The following SLC26A5 variants were observed in gnomAD, a reference collection of about 807,000 sequenced individuals.
SLC26A5 encodes prestin.
In SLC26A5, 51 loss-of-function variants were observed where a neutral mutation model predicts 81.0. The observed-to-expected ratio is 0.63, with a 90% CI of 0.50 to 0.80. SLC26A5 has a LOEUF of 0.80. Among genes scored for constraint, SLC26A5 ranks in the 30% least tolerant of loss-of-function variants. SLC26A5 has a pLI of 0.00. For synonymous variants in SLC26A5, 325 were observed against 332.8 expected (o/e 0.98, Z 0.25); for missense variants, 771 against 905.8 (o/e 0.85, Z 1.91).
intron 15 of SLC26A5, among the ~76,000 whole-genome samples, 174 bp from the exon 16 acceptor site, chr7:103,379,509 G>T (rs1036838552): frequency 6.9e-6 from 1 of 144,500 alleles, no homozygotes; most frequent in Non-Finnish European, 1.5e-5. Flanking sequence ...GATAAGAAAA[G>T]AAAAAAAAAG....
chr7:103,386,333 C>T (rs370174075), intron 14 of SLC26A5, among the ~76,000 whole-genome samples: 13 of 151,826 alleles, frequency 8.6e-5, no homozygotes, highest in African/African-American at 2.9e-4. Context: ...TTTGGGAGTC[C>T]GAGGTGGGCA....
chr7:103,410,248 T>A (rs1824378008), intron 7 of SLC26A5, 137 bp downstream of exon 7: 2 of 769,960 alleles, frequency 2.6e-6, no homozygotes, highest in Non-Finnish European at 4.3e-6. Context: ...AACCTTAGAA[T>A]AAATGAATTT....
At chr7:103,382,234 G>T (rs968062911) in intron 14 of SLC26A5, among the ~76,000 whole-genome samples, 3 of 152,060 alleles carry the variant, frequency 2.0e-5, no homozygotes, top group African/African-American at 7.2e-5. Flanking sequence ...TCATAGTAGG[G>T]GAGTAGTCAA....
rs770521867 is a variant in SLC26A5, at chr7:103,410,386, T to C, written c.734A>G (p.Tyr245Cys). ...AACGTCAGGTAGTTTCTTACTTACA[T>C]ACACCACGGAAAAGATTCCACTGTA... is the stretch of plus-strand genomic sequence containing the variant. Reference protein sequence around the residue: ...KRYSGIFSVVYSTVAVLQNVK... With the variant: ...KRYSGIFSVVCSTVAVLQNVK... Residue 245 changes from tyrosine to cysteine, a missense_variant and splice_region_variant, in exon 7 of 20, where the codon TAT (tyrosine) becomes TGT (cysteine). By Grantham distance (194) the Tyr-to-Cys change is radical. Coordinates refer to ENST00000306312, the MANE Select transcript of SLC26A5 (RefSeq NM_198999.3). 5.6e-6 allele frequency: 9 copies of C among 1,613,510 alleles called. No homozygotes were observed. The highest frequency in any genetic ancestry group is 7.6e-6 in the Non-Finnish European group (9 of 1,179,550).
chr7:103,368,832 T>C (rs1820862665), intron 19 of SLC26A5: 3 of 152,236 alleles, frequency 2.0e-5, no homozygotes, highest in Admixed American at 2.0e-4. Flanking sequence ...ATTACTTTCA[T>C]TTTACAAATT....
chr7:103,366,012 C>T, intron 19 of SLC26A5: 1 of 1,308,616 alleles, frequency 7.6e-7, no homozygotes, highest in Admixed American at 1.9e-5. Flanking sequence ...TGAAGCATAA[C>T]TTTTTACTTA....
rs1326641024 is a variant in SLC26A5 at position 103,374,739 on chromosome 7, A to T, written c.2042-147T>A. 6.6e-6 allele frequency: 5 copies of T among 761,224 alleles called. No individual in the cohort carries two copies. The East Asian group carries it at 8.6e-5, about 13-fold the overall frequency. The allele number at this position is 761,224 out of a possible 1,614,324, so 47.2% of individuals were successfully genotyped here. A position where few individuals can be genotyped will look rare whatever the true frequency, so the allele number is the denominator to read the frequency against. Reference sequence around the variant, plus strand: ...TTTTGAGACAGAGTCTCACTCTGTCACCCAGGCTGGAGAGTAGTGGTGTGA... The same window carrying T: ...TTTTGAGACAGAGTCTCACTCTGTCTCCCAGGCTGGAGAGTAGTGGTGTGA... On this transcript the variant is annotated intron_variant, in intron 19 of 19. Transcript: ENST00000306312.
At chr7:103,419,275 T>C (rs972078664) in intron 4 of SLC26A5, among the ~76,000 whole-genome samples, 4 of 152,156 alleles carry the variant, frequency 2.6e-5, no homozygotes, top group African/African-American at 9.7e-5. Flanking sequence ...TAAAAAGTAA[T>C]GCTGATAGCT....
chr7:103,444,466 C>T (rs2965086), intron 1 of SLC26A5, among the ~76,000 whole-genome samples: 77,762 of 151,966 alleles, frequency 0.51, 22,923 homozygotes, highest in African/African-American at 0.82. Flanking sequence ...TGACTTTGAT[C>T]GTCAATTAAA....
intron 19 of SLC26A5, chr7:103,355,675 G>T (rs761187255): frequency 1.9e-6 from 3 of 1,584,590 alleles, no homozygotes; most frequent in Admixed American, 1.7e-5. Context: ...AGTAAATTTT[G>T]TCATCTTTCT....
intron 4 of SLC26A5, 61 bp from the exon 5 acceptor site, chr7:103,413,173 GT>G (rs1006420411): frequency 6.1e-6 from 7 of 1,146,464 alleles, no homozygotes; most frequent in Non-Finnish European, 9.2e-6. Flanking sequence ...TGTTACATGT[GT>G]TTTTCTCTTG....
intron 19 of SLC26A5, among the ~76,000 whole-genome samples, chr7:103,375,761 C>G (rs1039817397): frequency 7.1e-6 from 1 of 141,650 alleles, no homozygotes; most frequent in East Asian, 2.1e-4. Flanking sequence ...TTTTTTTTTT[C>G]CTTTTCTTTT....
At chr7:103,420,638 TATG>T in intron 4 of SLC26A5, 97 bp downstream of exon 4, 4 of 1,448,882 alleles carry the variant, frequency 2.8e-6, no homozygotes, top group Non-Finnish European at 2.9e-6. Flanking sequence ...ACTAGAAAGA[TATG>T]ATAAAAATTA....
At chr7:103,399,306 G>A (rs990119200) in intron 8 of SLC26A5, among the ~76,000 whole-genome samples, 2 of 152,142 alleles carry the variant, frequency 1.3e-5, no homozygotes, top group African/African-American at 2.4e-5. Context: ...TCTTTCCCAC[G>A]CAAAGGTGCT....
intron 19 of SLC26A5, among the ~76,000 whole-genome samples, chr7:103,360,854 G>A (rs1380239714): frequency 2.6e-5 from 4 of 152,216 alleles, no homozygotes; most frequent in Admixed American, 1.3e-4. Context: ...GCTCACGCCT[G>A]TAATCCCAGC....
intron 10 of SLC26A5, among the ~76,000 whole-genome samples, chr7:103,392,444 G>A (rs753756779): frequency 3.9e-5 from 6 of 152,164 alleles, no homozygotes; most frequent in African/African-American, 9.7e-5. Context: ...TTAATCCTAA[G>A]CTGTGAGCTT....
intron 2 of SLC26A5, among the ~76,000 whole-genome samples, chr7:103,437,434 T>C (rs1826531330): frequency 6.6e-6 from 1 of 152,218 alleles, no homozygotes; most frequent in Non-Finnish European, 1.5e-5. Context: ...CTTCTGGGTA[T>C]ATATCCAAAG....
chr7:103,353,958 T>C (rs1586139561), intron 19 of SLC26A5: 10 of 1,593,660 alleles, frequency 6.3e-6, no homozygotes, highest in East Asian at 4.5e-5. Flanking sequence ...TGAAAACTTA[T>C]GTAAGTCCTT....
At position 103,390,453 on chromosome 7, in the gene SLC26A5, T is replaced by C; in HGVS notation, c.1287A>G (p.Gly429=). 1 of 1,614,040 alleles carries C rather than the reference T, an allele frequency of 6.2e-7. No homozygotes were observed. Among genetic ancestry groups the C allele is most frequent in the South Asian group, 1.1e-5 (1 of 91,076 alleles). The change falls in exon 12 of 20, where the codon GGA becomes GGG. Residue 429 remains glycine, a synonymous_variant. Transcript: ENST00000306312. ...LMILLVILAT[G]FLFESLPQAV... The stretch of plus-strand genomic sequence containing the variant: ...CCTGGGGCAATGATTCAAAGAGGAA[T>C]CCAGTTGCTAATATGACCAGCAGAA...
Sources: allele counts gnomAD v4.1 joint callset (sites outside exome capture counted in the v4.1 genomes callset), GRCh38; gene constraint gnomAD v4.1.1; transcripts MANE v1.5; gene names NCBI Gene and HGNC (gene_info 2026-07-23, HGNC 2026-07-21).